CCDC126: variants seen among roughly 807,000 people sequenced by gnomAD.
CCDC126 encodes coiled-coil domain-containing protein 126.
Under a neutral mutation model 11.7 loss-of-function variants are expected in CCDC126, and 5 were observed. The observed-to-expected ratio is 0.43, with a 90% CI of 0.22 to 0.90. CCDC126 has a LOEUF of 0.90. CCDC126 is among the 40% of genes least tolerant of loss of function. The pLI is 0.27. For missense variants in CCDC126, 150 were observed against 163.1 expected (o/e 0.92, Z 0.44); for synonymous variants, 60 against 61.9 (o/e 0.97, Z 0.14).
Position 23,642,979 on chromosome 7 carries a change from G to C in CCDC126, c.287G>C (p.Arg96Pro). Reference sequence around the variant, plus strand: ...GTCCTTCTGGATGACATTTTGCAACGATTGGTGAAGCTGGAGAACAAAGTT... The same window carrying C: ...GTCCTTCTGGATGACATTTTGCAACCATTGGTGAAGCTGGAGAACAAAGTT... ...IAVLLDDILQRLVKLENKVDY... is the reference protein window; with the variant it reads ...IAVLLDDILQPLVKLENKVDY... The change falls in exon 4 of 4, where the codon CGA becomes CCA. Residue 96 changes from arginine to proline, a missense_variant. By Grantham distance (103) the Arg-to-Pro change is moderately radical. Coordinates refer to ENST00000307471, the MANE Select transcript of CCDC126 (RefSeq NM_138771.4). 1 of 1,614,096 alleles carries C rather than the reference G, an allele frequency of 6.2e-7. No homozygotes were observed.
intron 3 of CCDC126, among the ~76,000 whole-genome samples, chr7:23,639,085 G>A (rs1783305192): frequency 6.6e-6 from 1 of 150,848 alleles, no homozygotes; most frequent in East Asian, 1.9e-4. Context: ...CTCTCCCAAT[G>A]TTTTATTTTG....
chr7:23,618,665 C>T (rs923744453), intron 3 of CCDC126, among the ~76,000 whole-genome samples: 1 of 151,442 alleles, frequency 6.6e-6, no homozygotes, highest in African/African-American at 2.4e-5. Context: ...ACTCTCCTGC[C>T]TCAGCCTCCC....
chr7:23,611,088 T>G (rs1782703319), intron 2 of CCDC126, 83 bp from the exon 3 acceptor site: 2 of 327,738 alleles, frequency 6.1e-6, no homozygotes, highest in South Asian at 1.3e-4. Context: ...CAAATAAAAA[T>G]TATAGAATAT....
At chr7:23,606,957 G>A (rs1782634204) in intron 2 of CCDC126, among the ~76,000 whole-genome samples, 1 of 151,922 alleles carries the variant, frequency 6.6e-6, no homozygotes, top group African/African-American at 2.4e-5. Flanking sequence ...AATTAGCTAG[G>A]CCTGGTGGTG....
intron 3 of CCDC126, among the ~76,000 whole-genome samples, chr7:23,634,070 A>G (rs769066755): frequency 2.6e-5 from 4 of 152,214 alleles, no homozygotes; most frequent in Admixed American, 6.5e-5. Flanking sequence ...AGGTTTATCT[A>G]TTTAGACCTG....
chr7:23,634,299 T>C (rs916036427), intron 3 of CCDC126, among the ~76,000 whole-genome samples: 3 of 151,722 alleles, frequency 2.0e-5, no homozygotes, highest in Admixed American at 6.6e-5. Flanking sequence ...TAGCCCAGCA[T>C]GGTGGTGTGT....
In CCDC126 at chr7:23,627,553, G is replaced by C. The variant is rs73287835; in HGVS notation, c.239-15378G>C. Among the ~76,000 whole-genome samples the C allele has an allele frequency of 9.0e-3, 1,363 of 150,894 alleles. 25 individuals are homozygous for C. The highest frequency in any genetic ancestry group is 0.031 in the African/African-American group (1,287 of 41,018). On this transcript the variant is annotated intron_variant, in intron 3 of 3. Coordinates refer to ENST00000307471, the MANE Select transcript of CCDC126 (RefSeq NM_138771.4). Reference sequence around the variant, plus strand: ...CTGCACTCCAGCCTGGGTGACGAGAGTGAGACTCTGTCTCAGAAAAAAAAA... The same window carrying C: ...CTGCACTCCAGCCTGGGTGACGAGACTGAGACTCTGTCTCAGAAAAAAAAA...
chr7:23,634,300 G>A (rs7805205), intron 3 of CCDC126, among the ~76,000 whole-genome samples: 9,243 of 152,144 alleles, frequency 0.061, 835 homozygotes, highest in African/African-American at 0.19. Flanking sequence ...AGCCCAGCAT[G>A]GTGGTGTGTG....
intron 3 of CCDC126, among the ~76,000 whole-genome samples, chr7:23,628,637 CACCCCT>C (rs1562496775): frequency 6.6e-6 from 1 of 152,196 alleles, no homozygotes; most frequent in African/African-American, 2.4e-5. Flanking sequence ...CCGGAAATGT[CACCCCT>C]GCCAGCCAGC....
intron 3 of CCDC126, among the ~76,000 whole-genome samples, chr7:23,614,118 A>C (rs955864753): frequency 6.6e-6 from 1 of 152,176 alleles, no homozygotes; most frequent in African/African-American, 2.4e-5. Flanking sequence ...CTCTTCATGA[A>C]AGATTTTTTT....
In CCDC126 at chr7:23,621,280, G is replaced by A. The variant is rs539821127; in HGVS notation, c.238+9727G>A. ...TGAGCAGTGGTTTGTAGTTCTCCTT[G>A]AAGAGGTCCTTCACATCCCTTGTAA... is the stretch of plus-strand genomic sequence containing the variant. On this transcript the variant is annotated intron_variant, in intron 3 of 3. Transcript: ENST00000307471. Among the ~76,000 whole-genome samples the A allele has an allele frequency of 2.9e-3, 442 of 152,216 alleles. 2 individuals are homozygous for A. Among genetic ancestry groups the A allele is most frequent in the African/African-American group, 1.0e-2 (414 of 41,554 alleles).
intron 3 of CCDC126, among the ~76,000 whole-genome samples, chr7:23,619,174 C>T (rs1782845984): frequency 6.6e-6 from 1 of 152,050 alleles, no homozygotes; most frequent in African/African-American, 2.4e-5. Context: ...GAGTGGTGCA[C>T]AGAATTTAAG....
chr7:23,638,207 G>T (rs1267171895), intron 3 of CCDC126, among the ~76,000 whole-genome samples: 1 of 152,036 alleles, frequency 6.6e-6, no homozygotes, highest in Non-Finnish European at 1.5e-5. Flanking sequence ...GACCCCGTCT[G>T]GGAGGTGTGC....
chr7:23,605,947 C>T (rs191396328), intron 2 of CCDC126, among the ~76,000 whole-genome samples: 4 of 151,568 alleles, frequency 2.6e-5, no homozygotes, highest in South Asian at 2.1e-4. Context: ...AGAAGAGTTT[C>T]GATTTGTTCA....
intron 2 of CCDC126, among the ~76,000 whole-genome samples, chr7:23,609,423 G>A (rs537877724): frequency 2.6e-5 from 4 of 152,148 alleles, no homozygotes; most frequent in South Asian, 2.1e-4. Flanking sequence ...CACCAACCTC[G>A]GCCTCCCAAA....
intron 3 of CCDC126, among the ~76,000 whole-genome samples, chr7:23,614,635 A>G (rs999982486): frequency 2.0e-5 from 3 of 152,222 alleles, no homozygotes; most frequent in Admixed American, 2.0e-4. Context: ...TATTTCTTAA[A>G]TAATAAGACT....
chr7:23,617,773 A>G (rs898043066), intron 3 of CCDC126, among the ~76,000 whole-genome samples: 4 of 152,144 alleles, frequency 2.6e-5, no homozygotes, highest in African/African-American at 4.8e-5. Flanking sequence ...ATGTTTGACA[A>G]TTCACTAGAT....
intron 3 of CCDC126, among the ~76,000 whole-genome samples, chr7:23,637,838 T>A (rs1403029642): frequency 7.1e-4 from 61 of 86,346 alleles, no homozygotes; most frequent in African/African-American, 2.4e-3. Flanking sequence ...GGGAGGGAGG[T>A]GGGGGGGTCA....
chr7:23,600,941 T>C (rs773404537), intron 2 of CCDC126, among the ~76,000 whole-genome samples: 12 of 152,010 alleles, frequency 7.9e-5, no homozygotes, highest in Non-Finnish European at 1.6e-4. Flanking sequence ...CTGAGTATGG[T>C]TGTGTGCACC....
Sources: gnomAD v4.1 joint callset for allele counts (sites outside exome capture counted in the v4.1 genomes callset) on GRCh38, gnomAD v4.1.1 for gene constraint, MANE v1.5 for transcripts, NCBI Gene and HGNC (gene_info 2026-07-23, HGNC 2026-07-21) for gene names.